The following ZNF558 variants were observed in gnomAD, a reference collection of about 807,000 sequenced individuals.
ZNF558 encodes zinc finger protein 558.
Under a neutral mutation model 37.6 loss-of-function variants are expected in ZNF558, and 23 were observed. That is an observed-to-expected ratio of 0.61 (90% CI 0.44 to 0.87). The LOEUF (loss-of-function observed/expected upper bound fraction) is 0.87. Among genes scored for constraint, ZNF558 ranks in the 40% least tolerant of loss-of-function variants. The pLI is 0.00. For missense variants in ZNF558, 429 were observed against 483.7 expected (o/e 0.89, Z 1.06); for synonymous variants, 189 against 174.4 (o/e 1.08, Z -0.66).
chr19:8,826,246 C>T (rs1072970), intron 2 of ZNF558, among the ~76,000 whole-genome samples: 25,994 of 151,902 alleles, frequency 0.17, 2,774 homozygotes, highest in East Asian at 0.28. Flanking sequence ...GAGCACGGGG[C>T]GGCAGTGGGG....
rs143161559 is a variant in ZNF558 at position 8,823,278 on chromosome 19, C to A, written c.-65-554G>T. On this transcript the variant is annotated intron_variant, in intron 4 of 9. Coordinates refer to ENST00000601372, the MANE Select transcript of ZNF558 (RefSeq NM_144693.3). The stretch of plus-strand genomic sequence containing the variant: ...ACCCAACCTCCCTCCTCAACTTCCA[C>A]GGCGTTCACTCCTTTTTTCTCTCAC... 3.9e-3 allele frequency among the ~76,000 whole-genome samples: 585 copies of A among 149,786 alleles called. 2 individuals are homozygous for A. The highest frequency in any genetic ancestry group is 6.8e-3 in the Non-Finnish European group (453 of 67,002).
At chr19:8,819,076 CAT>C (rs1179875285) in intron 7 of ZNF558, among the ~76,000 whole-genome samples, 7 of 152,182 alleles carry the variant, frequency 4.6e-5, no homozygotes. Context: ...TGGAAGAAAA[CAT>C]AGGGGTAGAT....
chr19:8,837,558 G>T, the ZNF558 span, among the ~76,000 whole-genome samples: 1 of 152,162 alleles, frequency 6.6e-6, no homozygotes, highest in Admixed American at 6.5e-5. Context: ...TCGAATGGGG[G>T]TGGCTAGAAA....
intron 7 of ZNF558, 58 bp from the exon 8 acceptor site, chr19:8,813,280 A>G: frequency 1.4e-6 from 2 of 1,385,760 alleles, no homozygotes; most frequent in Non-Finnish European, 1.0e-6. Flanking sequence ...AACCAAGTCC[A>G]TGAAAGAAAG....
Position 8,822,886 on chromosome 19 carries a change from C to T in ZNF558, c.-65-162G>A. 1.5e-6 allele frequency: 1 copy of T among 646,212 alleles called. No homozygotes were observed. Among genetic ancestry groups the T allele is most frequent in the Non-Finnish European group, 2.6e-6 (1 of 380,062 alleles). The allele number at this position is 646,212 out of a possible 1,614,324, so 40.0% of individuals were successfully genotyped here. ...TGAGCAGGCAATGAATTCAGGGCCACCTGATGGAAAACTTGCCTTCCTCTG... is the reference window on the plus strand; with the variant it reads ...TGAGCAGGCAATGAATTCAGGGCCATCTGATGGAAAACTTGCCTTCCTCTG... On this transcript the variant is annotated intron_variant, in intron 4 of 9. Transcript: ENST00000601372. This position sits in a 1 kb window ranked among gnomAD's most constrained non-coding sequence, Gnocchi z 4.4.
intron 8 of ZNF558, 26 bp from the exon 9 acceptor site, chr19:8,812,669 G>A (rs200002011): frequency 2.0e-6 from 3 of 1,494,150 alleles, no homozygotes; most frequent in African/African-American, 1.4e-5. Flanking sequence ...AAGAAATTTA[G>A]GTTGATGGAG....
At chr19:8,826,989 C>G (rs1351031175) in intron 2 of ZNF558, among the ~76,000 whole-genome samples, 6 of 152,120 alleles carry the variant, frequency 3.9e-5, no homozygotes, top group Non-Finnish European at 7.3e-5. Context: ...AGTCACTGAG[C>G]TGGGGAGTGA....
rs782114784 is a variant in ZNF558 at position 8,809,896 on chromosome 19, T to C, written c.*1385A>G. On this transcript the variant is annotated 3_prime_UTR_variant, in exon 10 of 10. Transcript: ENST00000601372. The stretch of plus-strand genomic sequence containing the variant: ...CCCAGTGAAAATTGTGGCCACTCAG[T>C]GAAGAGTTCAGGCTGAGGCATCCTA... The C allele has an allele frequency of 1.3e-5, 2 of 152,172 alleles. No individual in the cohort carries two copies. Among genetic ancestry groups the C allele is most frequent in the African/African-American group, 2.4e-5 (1 of 41,444 alleles). 9.4% of individuals were successfully genotyped at this position (152,172 alleles called of 1,614,324 possible). A position where few individuals can be genotyped will look rare whatever the true frequency, so the allele number is the denominator to read the frequency against.
At position 8,811,220 on chromosome 19, in the gene ZNF558, T is replaced by TCAC; in HGVS notation, c.*60_*61insGTG. 6.7e-7 allele frequency: 1 copy of TCAC among 1,491,008 alleles called. No individual in the cohort carries two copies. The highest frequency in any genetic ancestry group is 2.3e-5 in the East Asian group (1 of 43,904). The allele number at this position is 1,491,008 out of a possible 1,614,324, so 92.4% of individuals were successfully genotyped here. A position where few individuals can be genotyped will look rare whatever the true frequency, so the allele number is the denominator to read the frequency against. On this transcript the variant is annotated 3_prime_UTR_variant, in exon 10 of 10. Coordinates refer to ENST00000601372, the MANE Select transcript of ZNF558 (RefSeq NM_144693.3). ...ACTTATATATCCAGTGTGAGCTCTC[T>TCAC]CAAACTATCTTAGGGATGAAAGATC... is the stretch of plus-strand genomic sequence containing the variant.
At chr19:8,813,100 A>G in intron 8 of ZNF558, 27 bp downstream of exon 8, 1 of 1,545,566 alleles carries the variant, frequency 6.5e-7, no homozygotes, top group Non-Finnish European at 8.8e-7. Context: ...TATTCCTCAC[A>G]AGGGCTCATA....
At chr19:8,821,668 A>G in intron 6 of ZNF558, 5 of 1,305,864 alleles carry the variant, frequency 3.8e-6, no homozygotes, top group Non-Finnish European at 4.9e-6. Context: ...GACATGGCAG[A>G]AAGCAGAGAA....
Position 8,811,906 on chromosome 19 carries a change from A to G in ZNF558, c.584T>C (p.Leu195Pro). ...CGKSFSSRSY[L>P]TIHKRIHNGE... ...ATTATGGATTCTCTTATGAATAGTAAGGTAAGATCTGCTACTGAAGGACTT... is the reference window on the plus strand; with the variant it reads ...ATTATGGATTCTCTTATGAATAGTAGGGTAAGATCTGCTACTGAAGGACTT... Residue 195 changes from leucine (L) to proline (P), a missense_variant, in exon 10 of 10, where the codon CTT (leucine) becomes CCT (proline). Physicochemically the swap from Leu to Pro is moderately conservative, Grantham distance 98. Transcript: ENST00000601372. 3.7e-6 allele frequency: 6 copies of G among 1,614,154 alleles called. No homozygotes were observed. Among genetic ancestry groups the G allele is most frequent in the Non-Finnish European group, 5.1e-6 (6 of 1,180,030 alleles).
intron 7 of ZNF558, among the ~76,000 whole-genome samples, chr19:8,815,222 G>T (rs1555769895): frequency 1.3e-5 from 2 of 151,916 alleles, no homozygotes; most frequent in African/African-American, 4.8e-5. Flanking sequence ...AGATGTAAAA[G>T]AAATATGTAT....
At chr19:8,815,755 C>T (rs904210308) in intron 7 of ZNF558, among the ~76,000 whole-genome samples, 7 of 151,668 alleles carry the variant, frequency 4.6e-5, no homozygotes, top group Non-Finnish European at 8.8e-5. Context: ...TGCTGCACTC[C>T]GGCCTAGGTG....
rs923512249 is a variant in ZNF558 at position 8,827,925 on chromosome 19, G to A, written c.-508-2817C>T. On this transcript the variant is annotated intron_variant, in intron 2 of 9. Transcript: ENST00000601372. ...AGCCATCCCTGTGTTCCCAGTGCAG[G>A]GAGCGTGGCAGCCTCTCTCCTGCTG... Among the ~76,000 whole-genome samples the A allele has an allele frequency of 5.9e-5, 9 of 152,068 alleles. No individual in the cohort carries two copies. The South Asian group carries it at 1.2e-3, about 21-fold the overall frequency.
Position 8,822,122 on chromosome 19 carries a change from C to A in ZNF558, c.32-31G>T, listed in dbSNP as rs2044109117. On this transcript the variant is annotated intron_variant, in intron 5 of 9. Coordinates refer to ENST00000601372, the MANE Select transcript of ZNF558 (RefSeq NM_144693.3). This position sits in a 1 kb window ranked among gnomAD's most constrained non-coding sequence, Gnocchi z 4.4. ...GGAGGAGAAATGAGTCCCATGGATTCAGGCTTGTCTGACACCCACAGATCT... is the reference window on the plus strand; with the variant it reads ...GGAGGAGAAATGAGTCCCATGGATTAAGGCTTGTCTGACACCCACAGATCT... The A allele has an allele frequency of 6.2e-7, 1 of 1,612,956 alleles. No individual in the cohort carries two copies. Among genetic ancestry groups the A allele is most frequent in the African/African-American group, 1.3e-5 (1 of 74,902 alleles).
chr19:8,812,184 T>C (rs926763102), intron 9 of ZNF558, 121 bp from the exon 10 acceptor site: 17 of 996,428 alleles, frequency 1.7e-5, no homozygotes, highest in Non-Finnish European at 2.4e-5. Context: ...TTTGGCTACT[T>C]TCAGTGGTTG....
At chr19:8,823,281 C>T (rs920835366) in intron 4 of ZNF558, among the ~76,000 whole-genome samples, 2 of 148,620 alleles carry the variant, frequency 1.3e-5, no homozygotes, top group African/African-American at 2.4e-5. Flanking sequence ...ACTTCCACGG[C>T]GTTCACTCCT....
chr19:8,820,853 A>G (rs367665417), intron 7 of ZNF558, among the ~76,000 whole-genome samples: 2 of 152,230 alleles, frequency 1.3e-5, no homozygotes, highest in Non-Finnish European at 2.9e-5. Flanking sequence ...TTACATTTAT[A>G]TGATATGTTC....
Sources: gnomAD v4.1 joint callset for allele counts (sites outside exome capture counted in the v4.1 genomes callset) on GRCh38, gnomAD v4.1.1 for gene constraint, Gnocchi (gnomAD v3.1) non-coding constraint, MANE v1.5 for transcripts, NCBI Gene and HGNC (gene_info 2026-07-23, HGNC 2026-07-21) for gene names.